The following RAG1 variants were observed in gnomAD, a reference collection of about 807,000 sequenced individuals.
RAG1 encodes the protein V(D)J recombination-activating protein 1.
In RAG1, 35 loss-of-function variants were observed where a neutral mutation model predicts 62.7. The observed-to-expected ratio is 0.56, with a 90% confidence interval of 0.43 to 0.74. RAG1 has a LOEUF of 0.74. Ranked by LOEUF, RAG1 falls within the 30% of genes least tolerant of loss-of-function variation. The pLI, the probability that RAG1 is intolerant of heterozygous loss-of-function variation, is 0.00. For missense variants in RAG1, 1,169 were observed against 1,278.6 expected, an observed-to-expected ratio of 0.91 and a Z score of 1.31; for synonymous variants, 461 against 470.3, an observed-to-expected ratio of 0.98 and a Z score of 0.26.
At position 36,545,893 on chromosome 11, in the gene RAG1, G is replaced by T. The variant is rs185255384; in HGVS notation, c.-412+9859G>T. On this transcript the variant is annotated intron_variant and NMD_transcript_variant, in intron 3 of 9. Coordinates refer to the RAG1 transcript ENST00000534663. ...CAGGTTGTTCAGTTTCCGTGTAGTC[G>T]TGCAGTTTTGAATGAGTTTCTTAAT... is the stretch of plus-strand genomic sequence containing the variant. Among the ~76,000 whole-genome samples, 42 of 152,272 alleles carry T rather than the reference G, an allele frequency of 2.8e-4. 1 individual carries two copies. Among genetic ancestry groups the T allele is most frequent in the Admixed American group, 2.7e-3 (42 of 15,284 alleles).
chr11:36,574,079 A>C lies in RAG1; in HGVS notation c.775A>C (p.Ser259Arg). Residue 259 changes from serine (S) to arginine (R), a missense_variant, in exon 2 of 2, where the codon AGC (serine) becomes CGC (arginine). By Grantham distance (110) the Ser-to-Arg change is moderately radical. Transcript: ENST00000299440. Reference sequence around the variant, plus strand: ...GAGAAGAGCTCAGGCAAGGATCAGCAGCAAGGATGTCATGAAGAAGATCGC... The same window carrying C: ...GAGAAGAGCTCAGGCAAGGATCAGCCGCAAGGATGTCATGAAGAAGATCGC... ...HKRRAQARIS[S>R]KDVMKKIANC... The C allele has an allele frequency of 6.2e-7, 1 of 1,614,188 alleles. No homozygotes were observed. Among genetic ancestry groups the C allele is most frequent in the South Asian group, 1.1e-5 (1 of 91,084 alleles).
upstream of RAG1, chr11:36,510,570 G>A (rs1467538306): frequency 2.0e-5 from 3 of 149,976 alleles, no homozygotes; most frequent in African/African-American, 7.3e-5. Flanking sequence ...ATCCCAAACT[G>A]CGCTTTTATA....
intron 3 of RAG1, among the ~76,000 whole-genome samples, chr11:36,551,092 C>G (rs775771554): frequency 6.6e-5 from 10 of 152,064 alleles, no homozygotes; most frequent in Non-Finnish European, 1.3e-4. Context: ...AAATTGTAGT[C>G]AGAATGTTGC....
chr11:36,521,957 TAAGCAGGA>T (rs1860086668), intron 2 of RAG1, among the ~76,000 whole-genome samples: 1 of 152,110 alleles, frequency 6.6e-6, no homozygotes, highest in African/African-American at 2.4e-5. Flanking sequence ...AAGAAATTTC[TAAGCAGGA>T]AAGCATTCAA....
At chr11:36,543,379 G>A (rs1317835355) in intron 3 of RAG1, among the ~76,000 whole-genome samples, 2 of 152,198 alleles carry the variant, frequency 1.3e-5, no homozygotes, top group Non-Finnish European at 2.9e-5. Context: ...TACCCCACAC[G>A]GCTTTACTGC....
At position 36,576,490 on chromosome 11, in the gene RAG1, C is replaced by T. The variant is rs766206121; in HGVS notation, c.*54C>T. ...TGCAATTGAGTTTCCCTCTGGGTTG[C>T]ATTGAGGGCTTCTCCTAGCACCCTT... On this transcript the variant is annotated 3_prime_UTR_variant, in exon 2 of 2. Transcript: ENST00000299440. 19 of 1,599,528 alleles carry T rather than the reference C, an allele frequency of 1.2e-5. No homozygotes were observed. The highest frequency in any genetic ancestry group is 1.5e-5 in the Non-Finnish European group (18 of 1,167,886).
chr11:36,532,826 C>T (rs1253915636), intron 2 of RAG1, among the ~76,000 whole-genome samples: 1 of 152,024 alleles, frequency 6.6e-6, no homozygotes, highest in African/African-American at 2.4e-5. Flanking sequence ...AGACAGACAG[C>T]ACATTTACAT....
rs201192233 is a variant in RAG1 at position 36,575,489 on chromosome 11, A to C, written c.2185A>C (p.Ile729Leu). ...CCTCGAGGCTTCTGGCTCAGTCTAC[A>C]TTTGTACTCTTTGTGATGCCACCCG... ...EGLEASGSVY[I>L]CTLCDATRLE... The change falls in exon 2 of 2, where the codon ATT (isoleucine) becomes CTT (leucine). Residue 729 changes from isoleucine (I) to leucine (L), a missense_variant. Ile to Leu is a conservative substitution (Grantham distance 5, BLOSUM62 2). Coordinates refer to ENST00000299440, the MANE Select transcript of RAG1 (RefSeq NM_000448.3). This position sits in a 1 kb window ranked among gnomAD's most constrained non-coding sequence, Gnocchi z 4.1. 13 of 1,614,156 alleles carry C rather than the reference A, an allele frequency of 8.1e-6. No individual in the cohort carries two copies. The highest frequency in any genetic ancestry group is 1.1e-5 in the Non-Finnish European group (13 of 1,180,030).
intron 2 of RAG1, among the ~76,000 whole-genome samples, chr11:36,520,804 T>C (rs1860067809): frequency 6.6e-6 from 1 of 152,188 alleles, no homozygotes; most frequent in Non-Finnish European, 1.5e-5. Flanking sequence ...TTGATAGCTA[T>C]TGGTTATGGA....
chr11:36,525,184 G>A (rs1434499265), intron 2 of RAG1, among the ~76,000 whole-genome samples: 2 of 148,998 alleles, frequency 1.3e-5, no homozygotes, highest in Non-Finnish European at 1.5e-5. Context: ...AATTGTTTTT[G>A]CACCATTGTC....
intron 3 of RAG1, among the ~76,000 whole-genome samples, chr11:36,550,121 G>T (rs1850461364): frequency 1.3e-5 from 2 of 152,026 alleles, no homozygotes; most frequent in Non-Finnish European, 2.9e-5. Flanking sequence ...CTGGGGACTG[G>T]GGAGCTGGGG....
intron 3 of RAG1, among the ~76,000 whole-genome samples, chr11:36,561,239 C>G (rs141355059): frequency 7.9e-5 from 12 of 152,318 alleles, no homozygotes; most frequent in African/African-American, 2.6e-4. Flanking sequence ...CCTTTCCACA[C>G]TGTACAAGGT....
At position 36,575,299 on chromosome 11, in the gene RAG1, G is replaced by A; in HGVS notation, c.1995G>A (p.Glu665=). 1.2e-6 allele frequency: 2 copies of A among 1,614,216 alleles called. No individual in the cohort carries two copies. Among genetic ancestry groups the A allele is most frequent in the Non-Finnish European group, 1.7e-6 (2 of 1,180,034 alleles). ...CKPLCLMLAD[E]SDHETLTAIL... Reference sequence around the variant, plus strand: ...CATTGTGCCTTATGCTGGCAGATGAGTCTGACCACGAGACGCTGACTGCCA... The same window carrying A: ...CATTGTGCCTTATGCTGGCAGATGAATCTGACCACGAGACGCTGACTGCCA... Residue 665 remains glutamate (E), a synonymous_variant, in exon 2 of 2, where the codon GAG becomes GAA. Transcript: ENST00000299440. The surrounding 1 kb of genome is among the most constrained non-coding windows in gnomAD (Gnocchi z 4.1).
chr11:36,575,204 A>G lies in RAG1; in HGVS notation c.1900A>G (p.Ile634Val), dbSNP rs1263385083. 1 of 1,614,168 alleles carries G rather than the reference A, an allele frequency of 6.2e-7. No individual in the cohort carries two copies. Among genetic ancestry groups the G allele is most frequent in the Non-Finnish European group, 8.5e-7 (1 of 1,180,018 alleles). Residue 634 changes from isoleucine to valine, a missense_variant, in exon 2 of 2, where the codon ATT becomes GTT. Ile to Val is a conservative substitution (Grantham distance 29). Transcript: ENST00000299440. The surrounding 1 kb of genome is among the most constrained non-coding windows in gnomAD (Gnocchi z 4.1). ...TTCATTCACAATCATGAAAATTACT[A>G]TTGCCCACAGCTCTCAGAATGTGAA... ...RFSFTIMKITIAHSSQNVKVF... is the reference protein window; with the variant it reads ...RFSFTIMKITVAHSSQNVKVF...
chr11:36,527,889 A>G (rs529511151), intron 2 of RAG1, among the ~76,000 whole-genome samples: 1 of 152,200 alleles, frequency 6.6e-6, no homozygotes, highest in Admixed American at 6.5e-5. Flanking sequence ...TTATTGGTGT[A>G]TTGGGATGCT....
intron 2 of RAG1, among the ~76,000 whole-genome samples, chr11:36,520,595 G>A (rs1422221071): frequency 1.3e-5 from 2 of 152,124 alleles, no homozygotes; most frequent in African/African-American, 2.4e-5. Flanking sequence ...CTATTCAAAT[G>A]TAGTGATAAC....
upstream of RAG1, among the ~76,000 whole-genome samples, chr11:36,566,185 A>C (rs555085271): frequency 6.6e-6 from 1 of 152,170 alleles, no homozygotes; most frequent in Non-Finnish European, 1.5e-5. Flanking sequence ...TTTCCAAGAA[A>C]AATTGAAAAG....
chr11:36,559,061 T>G (rs969223500), intron 3 of RAG1, among the ~76,000 whole-genome samples: 3 of 152,210 alleles, frequency 2.0e-5, no homozygotes, highest in Non-Finnish European at 4.4e-5. Flanking sequence ...TTTGCTTCTC[T>G]GGGAAAGACT....
In RAG1 at chr11:36,576,190, G is replaced by GTTCC; in HGVS notation, c.2886_2887insTTCC (p.Gly963PhefsTer4). The GTTCC allele has an allele frequency of 6.2e-7, 1 of 1,614,122 alleles. No individual in the cohort carries two copies. The highest frequency in any genetic ancestry group is 8.5e-7 in the Non-Finnish European group (1 of 1,180,036). On this transcript the variant is annotated frameshift_variant, in exon 2 of 2. Coordinates refer to ENST00000299440, the MANE Select transcript of RAG1 (RefSeq NM_000448.3). LOFTEE classifies it high-confidence loss of function. ...GCTCCATTGGGGCATGGGCAAGTGAGGGAAATGAGTCTGGTAACAAACTGT... is the reference window on the plus strand; with the variant it reads ...GCTCCATTGGGGCATGGGCAAGTGAGTTCCGGAAATGAGTCTGGTAACAAACTGT...
Sources: gnomAD v4.1 joint callset for allele counts (sites outside exome capture counted in the v4.1 genomes callset) on GRCh38, gnomAD v4.1.1 for gene constraint, Gnocchi (gnomAD v3.1) non-coding constraint, MANE v1.5 for transcripts, NCBI Gene and HGNC (gene_info 2026-07-23, HGNC 2026-07-21) for gene names.